PDLIM5: variants seen among roughly 807,000 people sequenced by gnomAD.
PDLIM5 encodes the protein PDZ and LIM domain protein 5.
A neutral mutation model predicts 64.2 loss-of-function variants in PDLIM5; 34 were observed. The observed-to-expected ratio is 0.53, with a 90% CI of 0.40 to 0.71. The LOEUF is 0.71. Among genes scored for constraint, PDLIM5 ranks in the 30% least tolerant of loss-of-function variants. The pLI, the probability that PDLIM5 is intolerant of heterozygous loss-of-function variation, is 0.00. For missense variants in PDLIM5, 683 were observed against 733.6 expected (o/e 0.93, Z 0.80); for synonymous variants, 253 against 269.1 (o/e 0.94, Z 0.59).
chr4:94,610,148 C>A, intron 7 of PDLIM5: 1 of 1,493,422 alleles, frequency 6.7e-7, no homozygotes, highest in Admixed American at 2.2e-5. Flanking sequence ...GTTTTTCTTT[C>A]CCTACCTGTC....
At position 94,635,432 on chromosome 4, in the gene PDLIM5, T is replaced by C. The variant is rs116688978; in HGVS notation, c.1109-4844T>C. Among the ~76,000 whole-genome samples, 268 of 152,208 alleles carry C rather than the reference T, an allele frequency of 1.8e-3. 1 individual carries two copies. The highest frequency in any genetic ancestry group is 5.9e-3 in the African/African-American group (247 of 41,540). ...TTGTGAAATGGGGCTGATTCAACGCTCCTGTTTAATGTTATCATTAGAACT... is the reference window on the plus strand; with the variant it reads ...TTGTGAAATGGGGCTGATTCAACGCCCCTGTTTAATGTTATCATTAGAACT... On this transcript the variant is annotated intron_variant, in intron 8 of 12. Transcript: ENST00000317968.
At chr4:94,591,214 A>G (rs749979467) in intron 7 of PDLIM5, among the ~76,000 whole-genome samples, 5 of 152,200 alleles carry the variant, frequency 3.3e-5, no homozygotes, top group Non-Finnish European at 5.9e-5. Context: ...GCTTTTGTTC[A>G]TCCCATTCCA....
chr4:94,473,293 A>G (rs1725040031), intron 2 of PDLIM5, among the ~76,000 whole-genome samples: 1 of 151,900 alleles, frequency 6.6e-6, no homozygotes, highest in Non-Finnish European at 1.5e-5. Flanking sequence ...ACGGAGTTTC[A>G]CTCTGTTGCC....
intron 2 of PDLIM5, among the ~76,000 whole-genome samples, chr4:94,474,635 A>G (rs898453367): frequency 2.0e-5 from 3 of 152,148 alleles, no homozygotes; most frequent in African/African-American, 7.2e-5. Context: ...GGTAGTCATT[A>G]GACTATTTTT....
chr4:94,464,779 T>G (rs928316445), intron 2 of PDLIM5, among the ~76,000 whole-genome samples: 2 of 152,224 alleles, frequency 1.3e-5, no homozygotes, highest in African/African-American at 4.8e-5. Flanking sequence ...TAAATGTACC[T>G]CTGTCTATTC....
At chr4:94,573,973 A>G (rs1191218966) in intron 4 of PDLIM5, among the ~76,000 whole-genome samples, 2 of 152,182 alleles carry the variant, frequency 1.3e-5, no homozygotes, top group African/African-American at 4.8e-5. Context: ...AATGCTCCAA[A>G]ATCCCAAACT....
intron 10 of PDLIM5, 60 bp downstream of exon 10, chr4:94,654,700 T>C: frequency 2.8e-6 from 3 of 1,074,022 alleles, no homozygotes; most frequent in African/African-American, 1.6e-5. Flanking sequence ...TTTTTTGATA[T>C]GAAAGTCTTC....
intron 2 of PDLIM5, among the ~76,000 whole-genome samples, chr4:94,485,924 T>C (rs1245278536): frequency 4.0e-5 from 6 of 151,854 alleles, no homozygotes; most frequent in Non-Finnish European, 8.8e-5. Flanking sequence ...TGAAATCATG[T>C]GACATCGGTG....
At chr4:94,621,045 T>A (rs1437991784) in intron 8 of PDLIM5, among the ~76,000 whole-genome samples, 1 of 119,766 alleles carries the variant, frequency 8.3e-6, no homozygotes, top group Non-Finnish European at 1.6e-5. Context: ...CACTCCAGCC[T>A]GGGTGGCAGA....
intron 2 of PDLIM5, among the ~76,000 whole-genome samples, chr4:94,486,528 T>C (rs559939442): frequency 6.6e-6 from 1 of 152,330 alleles, no homozygotes; most frequent in African/African-American, 2.4e-5. Context: ...AGGGTGGCAG[T>C]GTGCCAGCCT....
chr4:94,638,436 G>A (rs1456298837), intron 8 of PDLIM5, among the ~76,000 whole-genome samples: 2 of 152,208 alleles, frequency 1.3e-5, no homozygotes, highest in Non-Finnish European at 2.9e-5. Context: ...GCCAGGCAGT[G>A]CACTGTAGAA....
chr4:94,455,873 C>T (rs1357272310), intron 2 of PDLIM5: 2 of 1,394,160 alleles, frequency 1.4e-6, no homozygotes, highest in Non-Finnish European at 2.0e-6. Flanking sequence ...AGCTACTTAC[C>T]CTTGAAGAGG....
intron 11 of PDLIM5, among the ~76,000 whole-genome samples, chr4:94,659,045 T>C (rs1742442501): frequency 6.6e-6 from 1 of 152,228 alleles, no homozygotes; most frequent in Non-Finnish European, 1.5e-5. Context: ...TTTGAAGTCA[T>C]ATTTTAAATA....
chr4:94,528,871 T>G (rs1730608601), intron 3 of PDLIM5, among the ~76,000 whole-genome samples: 1 of 152,216 alleles, frequency 6.6e-6, no homozygotes, highest in Non-Finnish European at 1.5e-5. Context: ...ACCTTCTCAC[T>G]GTGGCTTTCC....
Position 94,558,543 on chromosome 4 carries a change from AGGT to A in PDLIM5, c.249-14803_249-14801del, listed in dbSNP as rs545625822. ...TTAAAGTCTGTCTTGAGGTATCCTA[AGGT>A]GGTGTTACAGCAGCCCAGTAGAGTA... On this transcript the variant is annotated intron_variant, in intron 3 of 12. Transcript: ENST00000317968. Among the ~76,000 whole-genome samples the A allele has an allele frequency of 7.9e-4, 120 of 152,280 alleles. 1 individual carries two copies. Among genetic ancestry groups the A allele is most frequent in the African/African-American group, 2.8e-3 (117 of 41,564 alleles).
At chr4:94,586,279 A>G in intron 6 of PDLIM5, 129 bp from the exon 7 acceptor site, 1 of 603,988 alleles carries the variant, frequency 1.7e-6, no homozygotes, top group Non-Finnish European at 3.0e-6. Context: ...ATAACAGGCT[A>G]CTATGGAATT....
intron 11 of PDLIM5, among the ~76,000 whole-genome samples, chr4:94,661,931 G>A (rs968660488): frequency 2.6e-5 from 4 of 151,092 alleles, no homozygotes; most frequent in Admixed American, 2.0e-4. Context: ...AGCAATTTTC[G>A]TGCCTCAGCC....
chr4:94,458,505 T>C (rs1200671306), intron 2 of PDLIM5, among the ~76,000 whole-genome samples: 2 of 152,282 alleles, frequency 1.3e-5, no homozygotes, highest in African/African-American at 4.8e-5. Context: ...TTTAAACTTA[T>C]TGTCCACTGA....
At chr4:94,455,876 T>A in intron 2 of PDLIM5, 1 of 1,405,128 alleles carries the variant, frequency 7.1e-7, no homozygotes, top group Non-Finnish European at 9.7e-7. Flanking sequence ...TACTTACCCT[T>A]GAAGAGGAAA....
Sources: gnomAD v4.1 joint callset for allele counts (sites outside exome capture counted in the v4.1 genomes callset) on GRCh38, gnomAD v4.1.1 for gene constraint, MANE v1.5 for transcripts, NCBI Gene and HGNC (gene_info 2026-07-23, HGNC 2026-07-21) for gene names.